The following LARGE1 variants were observed in gnomAD, a reference collection of about 807,000 sequenced individuals.
LARGE1 encodes the protein LARGE xylosyl- and glucuronyltransferase 1, also known as xylosyl- and glucuronyltransferase LARGE1.
LARGE1 carries 43 observed loss-of-function variants against 87.6 expected under a neutral mutation model. The observed-to-expected ratio is 0.49, with a 90% CI of 0.38 to 0.63. LARGE1 has a LOEUF of 0.63. Among genes scored for constraint, LARGE1 ranks in the 30% least tolerant of loss-of-function variants. The pLI is 0.00. For missense variants in LARGE1, 802 were observed against 1,000.2 expected (o/e 0.80, Z 2.67); for synonymous variants, 434 against 394.6 (o/e 1.10, Z -1.18).
intron 11 of LARGE1, among the ~76,000 whole-genome samples, chr22:33,191,799 T>C (rs982260783): frequency 8.9e-6 from 1 of 111,754 alleles, no homozygotes; most frequent in African/African-American, 3.4e-5. Context: ...AACTAAAATA[T>C]TTAAAATCAT....
At chr22:33,292,777 G>T (rs1051074485) in intron 12 of LARGE1, among the ~76,000 whole-genome samples, 6 of 152,158 alleles carry the variant, frequency 3.9e-5, no homozygotes, top group African/African-American at 1.4e-4. Flanking sequence ...GAAAAAAAGA[G>T]CATGATCTTT....
chr22:33,734,719 T>C (rs1175770273), intron 2 of LARGE1, among the ~76,000 whole-genome samples: 1 of 152,112 alleles, frequency 6.6e-6, no homozygotes, highest in Non-Finnish European at 1.5e-5. Flanking sequence ...TCAGCTCTGG[T>C]ATAGGACTGG....
At chr22:33,805,290 C>T (rs1201260397) in intron 1 of LARGE1, among the ~76,000 whole-genome samples, 1 of 152,068 alleles carries the variant, frequency 6.6e-6, no homozygotes, top group Admixed American at 6.5e-5. Flanking sequence ...AAACAACTGT[C>T]CTAGTTTCCT....
intron 1 of LARGE1, among the ~76,000 whole-genome samples, chr22:33,825,522 T>C (rs1481010252): frequency 2.0e-5 from 3 of 152,084 alleles, no homozygotes; most frequent in Admixed American, 2.0e-4. Flanking sequence ...CTTCTTCACA[T>C]GGTGGCAGCA....
At chr22:33,156,066 T>C in the LARGE1 span, among the ~76,000 whole-genome samples, 4 of 152,178 alleles carry the variant, frequency 2.6e-5, no homozygotes, top group African/African-American at 9.7e-5. Flanking sequence ...AGAGGATGTA[T>C]GGAAACGTCT....
chr22:33,125,037 T>A, the LARGE1 span, among the ~76,000 whole-genome samples: 1 of 152,198 alleles, frequency 6.6e-6, no homozygotes, highest in Admixed American at 6.5e-5. Flanking sequence ...GCAGTTCTAC[T>A]CAGAAATAGC....
At chr22:33,810,756 CTCT>C (rs1032669144) in intron 1 of LARGE1, among the ~76,000 whole-genome samples, 3 of 150,632 alleles carry the variant, frequency 2.0e-5, no homozygotes, top group African/African-American at 7.3e-5. Context: ...TGGAGTCTTG[CTCT>C]GTTGCCCAGG....
the LARGE1 span, among the ~76,000 whole-genome samples, chr22:33,117,435 C>CT: frequency 5.7e-3 from 848 of 148,950 alleles, 8 homozygotes; most frequent in African/African-American, 0.017. Context: ...ACATTATTAA[C>CT]TTTTTTTTTT....
At chr22:33,560,416 G>A (rs1015006122) in intron 6 of LARGE1, among the ~76,000 whole-genome samples, 12 of 152,188 alleles carry the variant, frequency 7.9e-5, no homozygotes, top group African/African-American at 2.9e-4. Flanking sequence ...GACCATACCT[G>A]CTGTAGGGTG....
At chr22:33,364,219 TA>T (rs1463704493) in intron 9 of LARGE1, among the ~76,000 whole-genome samples, 1 of 152,082 alleles carries the variant, frequency 6.6e-6, no homozygotes, top group Non-Finnish European at 1.5e-5. Context: ...CACGCCCGGC[TA>T]ATTTTTCTTT....
Position 33,776,761 on chromosome 22 carries a change from T to C in LARGE1, c.-82-15203A>G, listed in dbSNP as rs548469875. On this transcript the variant is annotated intron_variant, in intron 1 of 14. Coordinates refer to ENST00000397394, the MANE Select transcript of LARGE1 (RefSeq NM_133642.5). ...CCTGACTTGTCTAACGTGCAGTGTATTGTTCTTCCAAGTTCCAAGGCCTAG... is the reference window on the plus strand; with the variant it reads ...CCTGACTTGTCTAACGTGCAGTGTACTGTTCTTCCAAGTTCCAAGGCCTAG... Among the ~76,000 whole-genome samples, 4 of 152,320 alleles carry C rather than the reference T, an allele frequency of 2.6e-5. No homozygotes were observed. The East Asian group carries it at 7.7e-4, about 29-fold the overall frequency.
chr22:33,228,687 GA>G (rs891836408), intron 11 of LARGE1, among the ~76,000 whole-genome samples: 2 of 151,950 alleles, frequency 1.3e-5, no homozygotes, highest in African/African-American at 4.8e-5. Flanking sequence ...TCAAAGGAAA[GA>G]AAAAAATACT....
At chr22:33,314,590 G>A (rs966493895) in intron 11 of LARGE1, among the ~76,000 whole-genome samples, 1 of 152,200 alleles carries the variant, frequency 6.6e-6, no homozygotes, top group Non-Finnish European at 1.5e-5. Flanking sequence ...TCTCGGCACT[G>A]TACAGGCATT....
intron 9 of LARGE1, among the ~76,000 whole-genome samples, chr22:33,371,983 CAA>C (rs757895320): frequency 1.2e-4 from 11 of 92,044 alleles, no homozygotes; most frequent in Non-Finnish European, 1.1e-4. Flanking sequence ...GACTCCATCT[CAA>C]AAAAAAAAAA....
Position 33,708,951 on chromosome 22 carries a change from G to C in LARGE1, c.106+52420C>G, listed in dbSNP as rs534297921. Among the ~76,000 whole-genome samples, 12 of 152,206 alleles carry C rather than the reference G, an allele frequency of 7.9e-5. No homozygotes were observed. In the South Asian group the frequency reaches 2.3e-3, roughly 29 times the overall value. On this transcript the variant is annotated intron_variant, in intron 2 of 14. Coordinates refer to ENST00000397394, the MANE Select transcript of LARGE1 (RefSeq NM_133642.5). ...CTTGGCCTGCAGCTGGCCATCTTCT[G>C]CTAGTGTCTTCATGGGGTCTTTCCT...
chr22:33,498,737 C>G (rs1047035116), intron 6 of LARGE1, among the ~76,000 whole-genome samples: 1 of 152,038 alleles, frequency 6.6e-6, no homozygotes, highest in Non-Finnish European at 1.5e-5. Context: ...TTTGGGAGGC[C>G]GAGGTGGGCG....
At chr22:33,439,516 T>G (rs2147804964) in intron 6 of LARGE1, among the ~76,000 whole-genome samples, 1 of 152,252 alleles carries the variant, frequency 6.6e-6, no homozygotes, top group East Asian at 1.9e-4. Flanking sequence ...TCCATGGAGC[T>G]TCCCTCTCTC....
chr22:33,254,168 T>C (rs1364422552), intron 11 of LARGE1, among the ~76,000 whole-genome samples: 4 of 152,084 alleles, frequency 2.6e-5, no homozygotes, highest in Non-Finnish European at 5.9e-5. Flanking sequence ...GGAAAGCTTA[T>C]CACGAAAAAA....
At chr22:33,509,904 C>T (rs780922089) in intron 6 of LARGE1, among the ~76,000 whole-genome samples, 1 of 152,198 alleles carries the variant, frequency 6.6e-6, no homozygotes, top group Non-Finnish European at 1.5e-5. Flanking sequence ...CTGGGCTTCA[C>T]CAACCTATGA....
Sources: gnomAD v4.1 joint callset for allele counts (sites outside exome capture counted in the v4.1 genomes callset) on GRCh38, gnomAD v4.1.1 for gene constraint, MANE v1.5 for transcripts, NCBI Gene and HGNC (gene_info 2026-07-23, HGNC 2026-07-21) for gene names.